The following ZNF469 variants were observed in gnomAD, a reference collection of about 807,000 sequenced individuals.
ZNF469 encodes the protein zinc finger protein 469.
ZNF469 carries 1 observed loss-of-function variant against 1.0 expected under a neutral mutation model. The ratio of observed to expected loss-of-function variants is 1.00; its 90% CI spans 0.35 to 4.73. The LOEUF is 4.73. Ranked by LOEUF, ZNF469 falls within the 30% of genes most tolerant of loss-of-function variation. The probability of loss-of-function intolerance (pLI) is 0.16; values close to 1 mark genes in which losing one functional copy is unlikely to be tolerated. For missense variants in ZNF469, 6,100 were observed against 5,356.3 expected, an observed-to-expected ratio of 1.14 and a Z score of -4.33; for synonymous variants, 2,703 against 2,363.4, an observed-to-expected ratio of 1.14 and a Z score of -4.17.
At chr16:88,117,629 T>C in the ZNF469 span, among the ~76,000 whole-genome samples, 1,587 of 22,142 alleles carry the variant, frequency 0.072, 27 homozygotes, top group African/African-American at 0.3. Flanking sequence ...CGTGTCTTCA[T>C]GGACCGTGGG....
At chr16:88,137,312 C>T in the ZNF469 span, among the ~76,000 whole-genome samples, 2 of 152,330 alleles carry the variant, frequency 1.3e-5, no homozygotes, top group African/African-American at 2.4e-5. Flanking sequence ...TACATACCAC[C>T]AAGCCTGTGT....
the ZNF469 span, among the ~76,000 whole-genome samples, chr16:88,183,615 G>T: frequency 1.3e-5 from 2 of 152,096 alleles, no homozygotes; most frequent in Non-Finnish European, 2.9e-5. Flanking sequence ...GGTGGTTGGA[G>T]GCCGGGAAGG....
At chr16:88,399,395 C>T (rs567009455) in intron 1 of ZNF469, among the ~76,000 whole-genome samples, 148 of 152,158 alleles carry the variant, frequency 9.7e-4, no homozygotes, top group Non-Finnish European at 1.7e-3. Flanking sequence ...AATTACTTGC[C>T]CAGAGTCACA....
the ZNF469 span, among the ~76,000 whole-genome samples, chr16:88,218,768 G>A: frequency 2.4e-3 from 369 of 151,858 alleles, 1 homozygote; most frequent in Non-Finnish European, 3.9e-3. Flanking sequence ...TTCTGGCCAG[G>A]GCAATTAGGC....
the ZNF469 span, among the ~76,000 whole-genome samples, chr16:88,101,542 C>T: frequency 8.3e-5 from 6 of 72,356 alleles, no homozygotes; most frequent in Non-Finnish European, 1.7e-4. Flanking sequence ...CATCTCATTA[C>T]GCTTTTTTTT....
At chr16:88,104,639 G>A in the ZNF469 span, among the ~76,000 whole-genome samples, 668 of 152,326 alleles carry the variant, frequency 4.4e-3, 4 homozygotes, top group African/African-American at 0.015. Flanking sequence ...GCCTGTCCAT[G>A]CAGCCTGCAC....
At chr16:88,223,895 C>T in the ZNF469 span, among the ~76,000 whole-genome samples, 2 of 152,194 alleles carry the variant, frequency 1.3e-5, no homozygotes, top group Admixed American at 6.5e-5. Flanking sequence ...CCTCATCTCA[C>T]GCTCAGCACC....
At chr16:88,161,647 C>G in the ZNF469 span, among the ~76,000 whole-genome samples, 1 of 152,118 alleles carries the variant, frequency 6.6e-6, no homozygotes, top group Non-Finnish European at 1.5e-5. Flanking sequence ...GCATTTTATT[C>G]GGACTTCACT....
rs569870332 is a variant in ZNF469, at chr16:88,427,496, C to T, written c.26C>T (p.Ala9Val). The part of the protein sequence containing the change: MPGERPRG[A>V]PPPTMTGDLQ... Reference sequence around the variant, plus strand: ...ATGCCTGGGGAGCGCCCCCGAGGAGCGCCGCCCCCCACCATGACTGGAGAC... The same window carrying T: ...ATGCCTGGGGAGCGCCCCCGAGGAGTGCCGCCCCCCACCATGACTGGAGAC... The change falls in exon 3 of 3, where the codon GCG (alanine) becomes GTG (valine). Residue 9 changes from alanine to valine, a missense_variant. Coordinates refer to ENST00000565624, the MANE Select transcript of ZNF469 (RefSeq NM_001367624.2). 5.1e-5 allele frequency: 78 copies of T among 1,527,404 alleles called. No homozygotes were observed. In the East Asian group the frequency reaches 8.6e-4, roughly 17 times the overall value. The allele number at this position is 1,527,404 out of a possible 1,614,324, so 94.6% of individuals were successfully genotyped here.
chr16:88,430,106 C>A lies in ZNF469; in HGVS notation c.2636C>A (p.Pro879His), dbSNP rs895879984. 1.3e-6 allele frequency: 2 copies of A among 1,542,308 alleles called. No individual in the cohort carries two copies. The highest frequency in any genetic ancestry group is 1.7e-6 in the Non-Finnish European group (2 of 1,146,924). Residue 879 changes from proline (P) to histidine (H), a missense_variant, in exon 3 of 3, where the codon CCC (proline) becomes CAC (histidine). By Grantham distance (77) the Pro-to-His change is moderately conservative (BLOSUM62 -2). Coordinates refer to ENST00000565624, the MANE Select transcript of ZNF469 (RefSeq NM_001367624.2). ...ADEEPSGPRG[P>H]SSGHPLKSKA... ...GAGGAGCCTTCCGGCCCCAGAGGTC[C>A]CAGCTCCGGACACCCCCTTAAGAGC...
At chr16:88,287,538 C>T in the ZNF469 span, among the ~76,000 whole-genome samples, 8,605 of 152,300 alleles carry the variant, frequency 0.057, 799 homozygotes, top group African/African-American at 0.2. Context: ...TTTATCAATC[C>T]CATGCTGGCA....
At chr16:88,377,516 G>T in the ZNF469 span, among the ~76,000 whole-genome samples, 3 of 152,224 alleles carry the variant, frequency 2.0e-5, no homozygotes, top group Non-Finnish European at 2.9e-5. Flanking sequence ...TCAGATGATG[G>T]GGCAGAAACG....
chr16:88,335,920 C>T, the ZNF469 span, among the ~76,000 whole-genome samples: 7 of 149,694 alleles, frequency 4.7e-5, no homozygotes, highest in Admixed American at 2.0e-4. Context: ...ATACCATGCA[C>T]GTTCATCCTT....
At position 88,437,951 on chromosome 16, in the gene ZNF469, G is replaced by A. The variant is rs935936614; in HGVS notation, c.10481G>A (p.Arg3494Gln). ...CCCGGCGAGGACAGGCCTCCTCCCC[G>A]GGGAAGCAGCCCCATCCTGAGTGAG... ...PGPGEDRPPP[R>Q]GSSPILSEGS... Residue 3494 changes from arginine to glutamine, a missense_variant, in exon 3 of 3, where the codon CGG (arginine) becomes CAG (glutamine). Transcript: ENST00000565624. 12 of 1,542,930 alleles carry A rather than the reference G, an allele frequency of 7.8e-6. No homozygotes were observed. The highest frequency in any genetic ancestry group is 5.9e-5 in the Admixed American group (3 of 50,868).
the ZNF469 span, among the ~76,000 whole-genome samples, chr16:88,358,822 G>A: frequency 1.0e-3 from 154 of 152,050 alleles, no homozygotes; most frequent in African/African-American, 3.1e-3. Flanking sequence ...AGGTTCAAGC[G>A]ATTCTCCTGC....
the ZNF469 span, among the ~76,000 whole-genome samples, chr16:88,232,126 T>C: frequency 2.0e-4 from 31 of 152,158 alleles, no homozygotes; most frequent in African/African-American, 7.5e-4. Context: ...GGCTGGGCAC[T>C]GCCAACGTTG....
rs1198085017 is a variant in ZNF469, at chr16:88,429,296, C to T, written c.1826C>T (p.Ser609Leu). 6 of 1,549,770 alleles carry T rather than the reference C, an allele frequency of 3.9e-6. No individual in the cohort carries two copies. Among genetic ancestry groups the T allele is most frequent in the East Asian group, 2.4e-5 (1 of 40,920 alleles). Residue 609 changes from serine (S) to leucine (L), a missense_variant, in exon 3 of 3, where the codon TCG (serine) becomes TTG (leucine). Ser to Leu is a moderately radical substitution (Grantham distance 145). Coordinates refer to ENST00000565624, the MANE Select transcript of ZNF469 (RefSeq NM_001367624.2). The stretch of plus-strand genomic sequence containing the variant: ...GCCGGCAGCACCTGCTCTTCCCTGT[C>T]GCCGATGTCCAGCAGCCCAGCCAAC... ...NTAGSTCSSL[S>L]PMSSSPANPS...
rs1412921185 is a variant in ZNF469, at chr16:88,432,348, C to A, written c.4878C>A (p.Asp1626Glu). The A allele has an allele frequency of 4.5e-6, 7 of 1,548,422 alleles. No individual in the cohort carries two copies. The African/African-American group carries it at 5.5e-5, about 12-fold the overall frequency. ...ACGAGGACACGTTCTCGGCAGCTGACCTCACGCGCGTTGGAGAATCCACTG... is the reference window on the plus strand; with the variant it reads ...ACGAGGACACGTTCTCGGCAGCTGAACTCACGCGCGTTGGAGAATCCACTG... ...VPHEDTFSAA[D>E]LTRVGESTAH... Residue 1626 changes from aspartate (D) to glutamate (E), a missense_variant, in exon 3 of 3, where the codon GAC (aspartate) becomes GAA (glutamate). Coordinates refer to ENST00000565624, the MANE Select transcript of ZNF469 (RefSeq NM_001367624.2).
chr16:88,148,551 A>G, the ZNF469 span, among the ~76,000 whole-genome samples: 1 of 152,240 alleles, frequency 6.6e-6, no homozygotes, highest in East Asian at 1.9e-4. Context: ...TGTCTCTGTG[A>G]ATTGCAGCTC....
Sources: gnomAD v4.1 joint callset for allele counts (sites outside exome capture counted in the v4.1 genomes callset) on GRCh38, gnomAD v4.1.1 for gene constraint, MANE v1.5 for transcripts, NCBI Gene and HGNC (gene_info 2026-07-23, HGNC 2026-07-21) for gene names.